NDST4: variants seen among roughly 807,000 people sequenced by gnomAD.
NDST4 encodes N-deacetylase and N-sulfotransferase 4.
In NDST4, 63 loss-of-function variants were observed where a neutral mutation model predicts 100.8. That is an observed-to-expected ratio of 0.62 (90% CI 0.51 to 0.77). The LOEUF (loss-of-function observed/expected upper bound fraction) is 0.77. Ranked by LOEUF, NDST4 falls within the 30% of genes least tolerant of loss-of-function variation. NDST4 has a pLI of 0.00. For synonymous variants in NDST4, 377 were observed against 361.8 expected (o/e 1.04, Z -0.48); for missense variants, 943 against 1,018.4 (o/e 0.93, Z 1.01).
At chr4:115,069,124 T>C (rs903451328) in intron 2 of NDST4, among the ~76,000 whole-genome samples, 1 of 152,114 alleles carries the variant, frequency 6.6e-6, no homozygotes, top group Non-Finnish European at 1.5e-5. Context: ...CATATTCTTA[T>C]AAAAAGTAGA....
intron 2 of NDST4, among the ~76,000 whole-genome samples, chr4:114,985,730 A>G (rs1389395203): frequency 1.3e-5 from 2 of 152,212 alleles, no homozygotes; most frequent in Non-Finnish European, 1.5e-5. Context: ...CTAGTGTTGC[A>G]AAGTTAATTT....
chr4:115,062,076 A>G (rs1347713578), intron 2 of NDST4, among the ~76,000 whole-genome samples: 7 of 152,068 alleles, frequency 4.6e-5, no homozygotes, highest in Non-Finnish European at 1.0e-4. Flanking sequence ...GGGAAAATGA[A>G]GTGAGCCAAT....
At chr4:115,055,090 C>A (rs926098343) in intron 2 of NDST4, among the ~76,000 whole-genome samples, 1 of 152,000 alleles carries the variant, frequency 6.6e-6, no homozygotes, top group African/African-American at 2.4e-5. Context: ...GGGCGTGAAC[C>A]CTATTGTAAA....
intron 8 of NDST4, 110 bp downstream of exon 8, chr4:114,852,615 G>A (rs1002515396): frequency 6.5e-6 from 4 of 617,520 alleles, no homozygotes; most frequent in South Asian, 4.5e-5. Context: ...AACTTGCATG[G>A]ATAGCTAAAT....
chr4:114,954,086 T>A (rs1015189690), intron 4 of NDST4, among the ~76,000 whole-genome samples: 7 of 152,162 alleles, frequency 4.6e-5, no homozygotes, highest in Non-Finnish European at 7.4e-5. Context: ...ATATTCAAGA[T>A]CATTCACATA....
intron 2 of NDST4, among the ~76,000 whole-genome samples, chr4:115,040,851 C>CATATAT (rs536401651): frequency 3.3e-5 from 5 of 150,524 alleles, no homozygotes; most frequent in African/African-American, 1.2e-4. Context: ...TCTATATGTG[C>CATATAT]ATATATATAT....
At chr4:114,909,569 A>G (rs1171753219) in intron 6 of NDST4, among the ~76,000 whole-genome samples, 1 of 149,606 alleles carries the variant, frequency 6.7e-6, no homozygotes, top group African/African-American at 2.5e-5. Flanking sequence ...CTGAGGCAGG[A>G]GAATGGCGTG....
chr4:114,971,684 T>C (rs1028016830), intron 3 of NDST4, among the ~76,000 whole-genome samples: 8 of 152,104 alleles, frequency 5.3e-5, no homozygotes, highest in African/African-American at 1.9e-4. Context: ...TTTTTTATTT[T>C]TATTTTTTAC....
intron 4 of NDST4, among the ~76,000 whole-genome samples, chr4:114,953,256 A>G (rs1349635395): frequency 1.3e-5 from 2 of 152,032 alleles, no homozygotes. Flanking sequence ...ACCTTTCTCC[A>G]TTTGATTTCG....
intron 4 of NDST4, among the ~76,000 whole-genome samples, chr4:114,963,977 G>T (rs1332862918): frequency 6.6e-6 from 1 of 152,022 alleles, no homozygotes; most frequent in Non-Finnish European, 1.5e-5. Flanking sequence ...CTTTTTGAGC[G>T]TGTGCTAGAC....
At chr4:114,902,817 T>C in intron 6 of NDST4, among the ~76,000 whole-genome samples, 1 of 152,058 alleles carries the variant, frequency 6.6e-6, no homozygotes, top group East Asian at 1.9e-4. Context: ...ATTTTCAAGC[T>C]CAGAGATTTT....
At chr4:115,056,137 A>C (rs1307239597) in intron 2 of NDST4, among the ~76,000 whole-genome samples, 2 of 152,132 alleles carry the variant, frequency 1.3e-5, no homozygotes, top group East Asian at 3.9e-4. Flanking sequence ...AGAGGGCTTG[A>C]GCTCAGGAGT....
At chr4:114,981,355 T>C (rs1726768504) in intron 2 of NDST4, among the ~76,000 whole-genome samples, 1 of 152,160 alleles carries the variant, frequency 6.6e-6, no homozygotes, top group Admixed American at 6.5e-5. Context: ...TCAAACTTTA[T>C]TATGTGTACA....
chr4:115,058,980 T>TACACACAC (rs36080386), intron 2 of NDST4, among the ~76,000 whole-genome samples: 100 of 148,898 alleles, frequency 6.7e-4, no homozygotes, highest in African/African-American at 2.3e-3. Flanking sequence ...GTTCTGAAGC[T>TACACACAC]ACACACACAC....
At chr4:114,828,996 G>A (rs890580335) in intron 13 of NDST4, among the ~76,000 whole-genome samples, 3 of 152,090 alleles carry the variant, frequency 2.0e-5, no homozygotes, top group Non-Finnish European at 4.4e-5. Context: ...TATAGTAGTA[G>A]TGGGAACATT....
chr4:114,960,609 T>A (rs949663978), intron 4 of NDST4, among the ~76,000 whole-genome samples: 143 of 152,300 alleles, frequency 9.4e-4, no homozygotes, highest in Non-Finnish European at 1.0e-3. Flanking sequence ...TACGTATTTA[T>A]GGAAGACGGT....
chr4:114,867,665 C>CAAAAAAAAAAA, intron 7 of NDST4, among the ~76,000 whole-genome samples: 255 of 79,830 alleles, frequency 3.2e-3, no homozygotes, highest in Middle Eastern at 0.013. Flanking sequence ...AAAAAAAAAG[C>CAAAAAAAAAAA]AAAAAAAAAA....
rs751431042 is a variant in NDST4 at position 115,102,704 on chromosome 4, C to CTTTTTTTTTTT, written c.-247+10729_-247+10739dup. On this transcript the variant is annotated intron_variant, in intron 1 of 13. Transcript: ENST00000264363. ...TTATATACCATATACTTCTGACTTCCTTTTTTTTTTTTTTTTTTTTTGACA... is the reference window on the plus strand; with the variant it reads ...TTATATACCATATACTTCTGACTTCCTTTTTTTTTTTTTTTTTTTTTTTTTTTTTTTTGACA... Among the ~76,000 whole-genome samples, 156 of 90,536 alleles carry CTTTTTTTTTTT rather than the reference C, an allele frequency of 1.7e-3. 1 individual carries two copies. The highest frequency in any genetic ancestry group is 2.2e-3 in the Non-Finnish European group (114 of 51,938). 59.4% of individuals were successfully genotyped at this position (90,536 alleles called of 152,430 possible).
intron 2 of NDST4, among the ~76,000 whole-genome samples, chr4:115,054,364 G>T (rs1467526893): frequency 6.6e-6 from 1 of 151,956 alleles, no homozygotes; most frequent in African/African-American, 2.4e-5. Context: ...TTATGACTTG[G>T]TGTATTTACT....
Sources: gnomAD v4.1 joint callset for allele counts (sites outside exome capture counted in the v4.1 genomes callset) on GRCh38, gnomAD v4.1.1 for gene constraint, MANE v1.5 for transcripts, NCBI Gene and HGNC (gene_info 2026-07-23, HGNC 2026-07-21) for gene names.